Variants in GLIS3 observed in about 807,000 individuals in gnomAD.
GLIS3 encodes the protein GLIS family zinc finger 3, also known as zinc finger protein GLIS3.
GLIS3 carries 53 observed loss-of-function variants against 78.6 expected under a neutral mutation model. That is an observed-to-expected ratio of 0.67 (90% confidence interval 0.54 to 0.85). The LOEUF (loss-of-function observed/expected upper bound fraction) is 0.85. Among genes scored for constraint, GLIS3 ranks in the 40% least tolerant of loss-of-function variants. The pLI, the probability that GLIS3 is intolerant of heterozygous loss-of-function variation, is 0.00. For missense variants in GLIS3, 1,703 were observed against 1,231.1 expected (o/e 1.38, Z -5.74); for synonymous variants, 684 against 509.9 (o/e 1.34, Z -4.60).
intron 4 of GLIS3, among the ~76,000 whole-genome samples, chr9:4,308,582 A>G (rs77206553): frequency 0.12 from 18,380 of 151,986 alleles, 1,438 homozygotes; most frequent in Non-Finnish European, 0.16. Context: ...TCTTCCTTGC[A>G]GTGGCTCTCA....
At chr9:4,399,675 G>C in the GLIS3 span, among the ~76,000 whole-genome samples, 1 of 152,098 alleles carries the variant, frequency 6.6e-6, no homozygotes, top group Non-Finnish European at 1.5e-5. Context: ...TCAAGACTTT[G>C]TCCCTTTCCT....
At chr9:4,096,064 C>A (rs1829920282) in intron 4 of GLIS3, among the ~76,000 whole-genome samples, 1 of 144,890 alleles carries the variant, frequency 6.9e-6, no homozygotes, top group Admixed American at 6.8e-5. Context: ...AGAAACACAT[C>A]TAAATACAAA....
At chr9:3,941,028 G>C (rs1815862359) in intron 4 of GLIS3, among the ~76,000 whole-genome samples, 1 of 152,158 alleles carries the variant, frequency 6.6e-6, no homozygotes, top group Admixed American at 6.5e-5. Context: ...CCCAGAATCA[G>C]AATGCTGGGA....
At chr9:4,306,673 T>C (rs956827476) in intron 4 of GLIS3, among the ~76,000 whole-genome samples, 3 of 152,200 alleles carry the variant, frequency 2.0e-5, no homozygotes, top group Non-Finnish European at 4.4e-5. Context: ...CATAGAGAAA[T>C]GTCTGCCCAG....
intron 2 of GLIS3, among the ~76,000 whole-genome samples, chr9:4,273,924 A>G (rs1250773555): frequency 6.6e-6 from 1 of 151,548 alleles, no homozygotes; most frequent in Admixed American, 6.6e-5. Context: ...CCTCCATTCC[A>G]CCCTCAGGCC....
chr9:3,844,057 C>T (rs1004489231), intron 9 of GLIS3, among the ~76,000 whole-genome samples: 1 of 152,136 alleles, frequency 6.6e-6, no homozygotes, highest in Non-Finnish European at 1.5e-5. Flanking sequence ...ACTCACAATT[C>T]TACGTAAACC....
intron 2 of GLIS3, among the ~76,000 whole-genome samples, chr9:4,228,198 CAAAAAAAA>C (rs59507597): frequency 1.9e-5 from 2 of 107,034 alleles, no homozygotes; most frequent in South Asian, 3.3e-4. Flanking sequence ...TCTAAGGTGG[CAAAAAAAA>C]AAAAAAAAAA....
chr9:4,420,428 A>C, the GLIS3 span, among the ~76,000 whole-genome samples: 1 of 152,360 alleles, frequency 6.6e-6, no homozygotes, highest in Non-Finnish European at 1.5e-5. Flanking sequence ...CTAGACAAGC[A>C]TCTTGAACCT....
intron 2 of GLIS3, among the ~76,000 whole-genome samples, chr9:4,241,966 C>T (rs189361772): frequency 3.3e-4 from 51 of 152,274 alleles, no homozygotes; most frequent in Admixed American, 8.5e-4. Context: ...TTACAGGCAT[C>T]GGCCACCGTG....
At chr9:4,374,657 G>C in the GLIS3 span, among the ~76,000 whole-genome samples, 4 of 152,352 alleles carry the variant, frequency 2.6e-5, no homozygotes, top group Non-Finnish European at 5.9e-5. Context: ...TCTCCACCAG[G>C]AGGAAGAGAA....
chr9:4,095,589 A>G (rs1829873737), intron 4 of GLIS3, among the ~76,000 whole-genome samples: 2 of 152,176 alleles, frequency 1.3e-5, no homozygotes, highest in African/African-American at 4.8e-5. Flanking sequence ...AAAGGAACAT[A>G]TGAGTTCTAA....
At chr9:4,470,372 C>T in the GLIS3 span, among the ~76,000 whole-genome samples, 7 of 152,120 alleles carry the variant, frequency 4.6e-5, no homozygotes, top group South Asian at 2.1e-4. Flanking sequence ...ACTGGCAAAC[C>T]AAATCCAGCA....
At chr9:4,380,129 A>C in the GLIS3 span, among the ~76,000 whole-genome samples, 6 of 152,218 alleles carry the variant, frequency 3.9e-5, no homozygotes, top group African/African-American at 1.2e-4. Context: ...CAAACCTAGA[A>C]GGCATCTTGG....
At chr9:4,071,457 T>C (rs1457344540) in intron 4 of GLIS3, 1 of 152,224 alleles carries the variant, frequency 6.6e-6, no homozygotes, top group South Asian at 2.1e-4. Context: ...TGAGATATGA[T>C]GGGGTTAGAT....
chr9:4,344,525 G>A (rs1382631352), intron 2 of GLIS3, among the ~76,000 whole-genome samples: 1 of 152,038 alleles, frequency 6.6e-6, no homozygotes, highest in Non-Finnish European at 1.5e-5. Flanking sequence ...CAGTCTTTAG[G>A]CCTGTTTTCT....
At chr9:4,306,683 G>A (rs568321439) in intron 4 of GLIS3, among the ~76,000 whole-genome samples, 45 of 152,352 alleles carry the variant, frequency 3.0e-4, no homozygotes, top group Non-Finnish European at 5.3e-4. Flanking sequence ...TGTCTGCCCA[G>A]GCATCTCTGA....
chr9:4,465,299 G>A, the GLIS3 span, among the ~76,000 whole-genome samples: 2 of 152,252 alleles, frequency 1.3e-5, no homozygotes, highest in East Asian at 1.9e-4. Context: ...TGTAATCCCG[G>A]CACTTTGGGA....
the GLIS3 span, among the ~76,000 whole-genome samples, chr9:4,354,994 T>C: frequency 1.3e-5 from 2 of 152,026 alleles, no homozygotes; most frequent in East Asian, 3.9e-4. Context: ...CGGGTGCCTG[T>C]AGTCCCAGGT....
chr9:4,319,588 G>A (rs1434210582), intron 2 of GLIS3, among the ~76,000 whole-genome samples: 3 of 151,820 alleles, frequency 2.0e-5, no homozygotes, highest in Non-Finnish European at 2.9e-5. Context: ...GGAATGCAGT[G>A]GCATGATCAT....
Sources: allele counts gnomAD v4.1 joint callset (sites outside exome capture counted in the v4.1 genomes callset), GRCh38; gene constraint gnomAD v4.1.1; transcripts MANE v1.5; gene names NCBI Gene and HGNC (gene_info 2026-07-23, HGNC 2026-07-21).